Variants in ZNF804A observed in about 807,000 individuals in gnomAD.
The protein encoded by ZNF804A is zinc finger protein 804A.
Under a neutral mutation model 16.5 loss-of-function variants are expected in ZNF804A, and 2 were observed. The observed-to-expected ratio is 0.12, with a 90% CI of 0.05 to 0.38. The LOEUF (loss-of-function observed/expected upper bound fraction) is 0.38, where lower values mean the gene tolerates loss of function less well. Among genes scored for constraint, ZNF804A ranks in the 10% least tolerant of loss-of-function variants. The pLI is 0.99. For synonymous variants in ZNF804A, 534 were observed against 489.6 expected (o/e 1.09, Z -1.20); for missense variants, 1,473 against 1,390.7 (o/e 1.06, Z -0.94).
chr2:184,656,007 GATTCTAAATTTAA>G (rs1475986390), intron 1 of ZNF804A, among the ~76,000 whole-genome samples: 3 of 151,844 alleles, frequency 2.0e-5, no homozygotes, highest in Admixed American at 6.6e-5. Context: ...TCTAAATTTG[GATTCTAAATTTAA>G]ATTCTAAATT....
At chr2:184,926,782 TG>T (rs1308862859) in intron 2 of ZNF804A, among the ~76,000 whole-genome samples, 6 of 152,168 alleles carry the variant, frequency 3.9e-5, no homozygotes, top group African/African-American at 1.4e-4. Context: ...ATAGATCAAT[TG>T]TTTTTAAGAA....
chr2:184,814,968 AGCCTCAACTCTGAGT>A (rs1041606062), intron 1 of ZNF804A, among the ~76,000 whole-genome samples: 5 of 152,042 alleles, frequency 3.3e-5, no homozygotes, highest in Non-Finnish European at 5.9e-5. Context: ...AGACATTGCT[AGCCTCAACTCTGAGT>A]TTTGCTTTGG....
At chr2:184,808,467 T>A (rs1447503655) in intron 1 of ZNF804A, among the ~76,000 whole-genome samples, 1 of 151,680 alleles carries the variant, frequency 6.6e-6, no homozygotes, top group Non-Finnish European at 1.5e-5. Flanking sequence ...GACAGAAATG[T>A]GAATCTCTTA....
At chr2:184,841,956 G>C (rs1483638972) in intron 1 of ZNF804A, among the ~76,000 whole-genome samples, 1 of 152,078 alleles carries the variant, frequency 6.6e-6, no homozygotes, top group African/African-American at 2.4e-5. Flanking sequence ...TTTATCATAT[G>C]TAAAATGGGG....
intron 2 of ZNF804A, among the ~76,000 whole-genome samples, chr2:184,919,958 T>C (rs766323061): frequency 2.6e-5 from 4 of 151,994 alleles, no homozygotes; most frequent in Non-Finnish European, 4.4e-5. Context: ...CTACTAATAA[T>C]ATAAAAATTA....
chr2:184,704,018 C>T (rs1465251659), intron 1 of ZNF804A, among the ~76,000 whole-genome samples: 2 of 151,808 alleles, frequency 1.3e-5, no homozygotes, highest in African/African-American at 4.8e-5. Flanking sequence ...CTCTAAGGAC[C>T]TTAAAGAGAG....
At chr2:184,656,693 C>G (rs896289580) in intron 1 of ZNF804A, among the ~76,000 whole-genome samples, 1 of 151,786 alleles carries the variant, frequency 6.6e-6, no homozygotes, top group Non-Finnish European at 1.5e-5. Flanking sequence ...CATATATACA[C>G]ACACACCCAT....
intron 2 of ZNF804A, among the ~76,000 whole-genome samples, chr2:184,875,705 A>G (rs1274912170): frequency 6.6e-6 from 1 of 151,906 alleles, no homozygotes; most frequent in East Asian, 1.9e-4. Flanking sequence ...CTTTCATATA[A>G]CAAGATAATT....
chr2:184,649,898 A>G (rs1166667716), intron 1 of ZNF804A, among the ~76,000 whole-genome samples: 1 of 151,948 alleles, frequency 6.6e-6, no homozygotes, highest in Non-Finnish European at 1.5e-5. Context: ...TACAAAGACA[A>G]ACTAATACCA....
chr2:184,926,718 C>T (rs951211209), intron 2 of ZNF804A, among the ~76,000 whole-genome samples: 3 of 152,114 alleles, frequency 2.0e-5, no homozygotes, highest in South Asian at 2.1e-4. Flanking sequence ...TTTGTCTCCT[C>T]TGACTTCGTG....
At chr2:184,805,347 A>T (rs1457508712) in intron 1 of ZNF804A, among the ~76,000 whole-genome samples, 1 of 152,148 alleles carries the variant, frequency 6.6e-6, no homozygotes, top group Non-Finnish European at 1.5e-5. Flanking sequence ...TCTTTAACTT[A>T]CAAATGATAT....
chr2:184,800,472 TAA>T lies in ZNF804A; in HGVS notation c.112-65896_112-65895del, dbSNP rs111928181. Reference sequence around the variant, plus strand: ...ACTGCTTTAGTCATATCTCCCACATTAAGTTGCATTTTCTTTTTTATTTCAAA... The same window carrying T: ...ACTGCTTTAGTCATATCTCCCACATTGTTGCATTTTCTTTTTTATTTCAAA... On this transcript the variant is annotated intron_variant, in intron 1 of 3. Coordinates refer to ENST00000302277, the MANE Select transcript of ZNF804A (RefSeq NM_194250.2). Among the ~76,000 whole-genome samples the T allele has an allele frequency of 6.7e-3, 1,014 of 151,776 alleles. 5 individuals carry two copies. Among genetic ancestry groups the T allele is most frequent in the African/African-American group, 0.022 (918 of 41,572 alleles).
At chr2:184,911,190 C>T (rs1685351116) in intron 2 of ZNF804A, among the ~76,000 whole-genome samples, 1 of 152,000 alleles carries the variant, frequency 6.6e-6, no homozygotes, top group African/African-American at 2.4e-5. Context: ...CTGCATATAG[C>T]TAGCCAGCTA....
intron 1 of ZNF804A, among the ~76,000 whole-genome samples, chr2:184,608,613 A>T (rs2105670063): frequency 6.6e-6 from 1 of 152,244 alleles, no homozygotes. Context: ...GTATCGTGAA[A>T]CTTTATATTT....
At chr2:184,607,547 T>C (rs1296709107) in intron 1 of ZNF804A, among the ~76,000 whole-genome samples, 1 of 151,960 alleles carries the variant, frequency 6.6e-6, no homozygotes, top group East Asian at 1.9e-4. Flanking sequence ...AGCATGAGGG[T>C]AACTGCCCCC....
At chr2:184,765,006 G>A (rs1011201425) in intron 1 of ZNF804A, among the ~76,000 whole-genome samples, 57 of 152,072 alleles carry the variant, frequency 3.7e-4, no homozygotes, top group Non-Finnish European at 3.7e-4. Context: ...TGAATAAAAT[G>A]TCTGTGAATT....
intron 2 of ZNF804A, among the ~76,000 whole-genome samples, chr2:184,873,778 T>C (rs1696011007): frequency 6.6e-6 from 1 of 151,972 alleles, no homozygotes; most frequent in Non-Finnish European, 1.5e-5. Flanking sequence ...TAGAAATTGT[T>C]CAAAAATAAG....
intron 1 of ZNF804A, among the ~76,000 whole-genome samples, chr2:184,765,675 A>C (rs1370813119): frequency 7.0e-6 from 1 of 143,292 alleles, no homozygotes; most frequent in African/African-American, 2.6e-5. Flanking sequence ...TCAGCTTTTG[A>C]GACAGGAGTC....
At chr2:184,761,535 T>C (rs193005589) in intron 1 of ZNF804A, among the ~76,000 whole-genome samples, 9 of 152,212 alleles carry the variant, frequency 5.9e-5, no homozygotes, top group Non-Finnish European at 1.2e-4. Flanking sequence ...TACAACAGTC[T>C]ATTCCAGTAC....
Sources: allele counts gnomAD v4.1 joint callset (sites outside exome capture counted in the v4.1 genomes callset), GRCh38; gene constraint gnomAD v4.1.1; transcripts MANE v1.5; gene names NCBI Gene and HGNC (gene_info 2026-07-23, HGNC 2026-07-21).